PRDM11: variants seen among roughly 807,000 people sequenced by gnomAD.
PRDM11 encodes the protein PR/SET domain 11.
In PRDM11, 20 loss-of-function variants were observed where a neutral mutation model predicts 97.8. The observed-to-expected ratio is 0.20, with a 90% CI of 0.14 to 0.30. PRDM11 has a LOEUF of 0.30. Among genes scored for constraint, PRDM11 ranks in the 10% least tolerant of loss-of-function variants. The probability of loss-of-function intolerance (pLI) is 1.00; values close to 1 mark genes in which losing one functional copy is unlikely to be tolerated. For synonymous variants in PRDM11, 599 were observed against 637.7 expected (o/e 0.94, Z 0.91); for missense variants, 1,139 against 1,555.2 (o/e 0.73, Z 4.50).
chr11:45,212,349 G>GAAA (rs1853774905), intron 5 of PRDM11: 1 of 338,422 alleles, frequency 3.0e-6, no homozygotes, highest in Non-Finnish European at 5.9e-6. Flanking sequence ...GGCCAAACTA[G>GAAA]ACCGCAGGGT....
chr11:45,203,369 A>C (rs1228455690), intron 4 of PRDM11, among the ~76,000 whole-genome samples: 1 of 152,006 alleles, frequency 6.6e-6, no homozygotes, highest in African/African-American at 2.4e-5. Context: ...GTGGACCTGA[A>C]AAAAAAACTA....
chr11:45,176,923 C>T (rs1300216713), intron 1 of PRDM11, among the ~76,000 whole-genome samples: 1 of 152,160 alleles, frequency 6.6e-6, no homozygotes, highest in African/African-American at 2.4e-5. Flanking sequence ...TCAGGGTCAC[C>T]TAAAAAACTG....
chr11:45,221,353 A>G lies in PRDM11; in HGVS notation c.742+1596A>G, dbSNP rs540385668. ...GATGCCTCATGTAAAAGTGCCTGAT[A>G]CATAGTAGGGACTCAATAAGTCTTT... On this transcript the variant is annotated intron_variant, in intron 6 of 7. Transcript: ENST00000683152. 2.0e-5 allele frequency among the ~76,000 whole-genome samples: 3 copies of G among 152,320 alleles called. No homozygotes were observed. In the East Asian group the frequency reaches 5.8e-4, roughly 29 times the overall value.
At chr11:45,163,541 G>A (rs1407040338) in intron 1 of PRDM11, among the ~76,000 whole-genome samples, 1 of 152,062 alleles carries the variant, frequency 6.6e-6, no homozygotes, top group Non-Finnish European at 1.5e-5. Context: ...AGCTGCTCCT[G>A]ATCGTAGGGA....
In PRDM11 at chr11:45,229,834, T is replaced by C. The variant is rs1161811425; in HGVS notation, c.*1675T>C. ...GCTTCATCTCTTGGTTGGCAGAGGG[T>C]GGTGTTATCTGGCCACAGGCAAGGC... On this transcript the variant is annotated 3_prime_UTR_variant, in exon 8 of 8. Coordinates refer to ENST00000683152, the MANE Select transcript of PRDM11 (RefSeq NM_001384648.1). 1 of 152,110 alleles carries C rather than the reference T, an allele frequency of 6.6e-6. No homozygotes were observed. Among genetic ancestry groups the C allele is most frequent in the African/African-American group, 2.4e-5 (1 of 41,410 alleles). 9.4% of individuals were successfully genotyped at this position (152,110 alleles called of 1,614,324 possible). A position where few individuals can be genotyped will look rare whatever the true frequency, so the allele number is the denominator to read the frequency against.
At chr11:45,173,617 C>T (rs562697818) in intron 1 of PRDM11, among the ~76,000 whole-genome samples, 10 of 146,486 alleles carry the variant, frequency 6.8e-5, no homozygotes, top group South Asian at 6.5e-4. Flanking sequence ...AGAGAAACAC[C>T]GCGTCAAAAA....
chr11:45,139,728 A>AATGT (rs1049000215), intron 1 of PRDM11, among the ~76,000 whole-genome samples: 64 of 152,182 alleles, frequency 4.2e-4, no homozygotes, highest in African/African-American at 1.5e-3. Flanking sequence ...TATGATAAAA[A>AATGT]ATGTGATCTA....
intron 4 of PRDM11, among the ~76,000 whole-genome samples, chr11:45,201,274 T>A (rs1269890869): frequency 6.6e-6 from 1 of 152,160 alleles, no homozygotes; most frequent in Non-Finnish European, 1.5e-5. Flanking sequence ...GAATTGTAAG[T>A]TTATATCATT....
chr11:45,110,418 A>G (rs1852149078), intron 1 of PRDM11, among the ~76,000 whole-genome samples: 1 of 152,132 alleles, frequency 6.6e-6, no homozygotes, highest in Non-Finnish European at 1.5e-5. Flanking sequence ...TAGCATTACA[A>G]TTTTTCTAAA....
chr11:45,112,491 T>G (rs146331843), intron 1 of PRDM11, among the ~76,000 whole-genome samples: 10 of 152,358 alleles, frequency 6.6e-5, no homozygotes, highest in Admixed American at 6.5e-4. Context: ...AGTTCTACAT[T>G]TAGCTCTTTA....
At chr11:45,204,535 C>G (rs373540810) in intron 4 of PRDM11, among the ~76,000 whole-genome samples, 176 bp from the exon 5 acceptor site, 2 of 151,986 alleles carry the variant, frequency 1.3e-5, no homozygotes, top group African/African-American at 2.4e-5. Context: ...GGGTGGAGGG[C>G]AGGTAGCAGA....
intron 1 of PRDM11, among the ~76,000 whole-genome samples, chr11:45,107,734 A>T (rs748038308): frequency 1.1e-4 from 17 of 152,024 alleles, no homozygotes; most frequent in South Asian, 2.1e-4. Flanking sequence ...GAACTGATAG[A>T]TTTGCGTGGC....
chr11:45,204,798 T>C lies in PRDM11; in HGVS notation c.554+20T>C, dbSNP rs1465838211. The C allele has an allele frequency of 6.3e-7, 1 of 1,596,876 alleles. No individual in the cohort carries two copies. Among genetic ancestry groups the C allele is most frequent in the Admixed American group, 1.7e-5 (1 of 60,002 alleles). ...GATGAGGTGAGCCCTGCTCTGCTGA[T>C]GTCCCGGGGGTCTTGCCTGGCCTCT... On this transcript the variant is annotated intron_variant, in intron 5 of 7. Coordinates refer to ENST00000683152, the MANE Select transcript of PRDM11 (RefSeq NM_001384648.1).
At position 45,226,467 on chromosome 11, in the gene PRDM11, G is replaced by A. The variant is rs1306447861; in HGVS notation, c.1842G>A (p.Glu614=). Residue 614 remains glutamate (E), a synonymous_variant, in exon 8 of 8, where the codon GAG becomes GAA. Transcript: ENST00000683152. ...ACCTGGACTTCCGGCCCCTGGCGGA[G>A]CTGCTGAGGAAGTGTGAGCTCAAGG... ...RPYLDFRPLA[E]LLRKCELKVV... 6.5e-7 allele frequency: 1 copy of A among 1,533,868 alleles called. No homozygotes were observed. The highest frequency in any genetic ancestry group is 8.7e-7 in the Non-Finnish European group (1 of 1,146,732).
At chr11:45,100,811 T>C (rs1371720344) in intron 1 of PRDM11, among the ~76,000 whole-genome samples, 1 of 152,240 alleles carries the variant, frequency 6.6e-6, no homozygotes, top group African/African-American at 2.4e-5. Context: ...ATATTTTGCA[T>C]ATTTTCTCTC....
intron 1 of PRDM11, among the ~76,000 whole-genome samples, chr11:45,140,517 G>A (rs1013167027): frequency 5.9e-5 from 9 of 152,032 alleles, no homozygotes; most frequent in African/African-American, 2.2e-4. Context: ...CATCTACCTG[G>A]GCATAAATTA....
At chr11:45,165,098 T>C (rs1167687685) in intron 1 of PRDM11, among the ~76,000 whole-genome samples, 1 of 152,090 alleles carries the variant, frequency 6.6e-6, no homozygotes, top group African/African-American at 2.4e-5. Flanking sequence ...CCAGATCGCA[T>C]AGTTAGTAAG....
intron 7 of PRDM11, chr11:45,225,204 C>T (rs1590478945): frequency 9.1e-7 from 1 of 1,100,438 alleles, no homozygotes; most frequent in African/African-American, 1.6e-5. Flanking sequence ...GCAGGGTGTC[C>T]CACTGGAGAG....
chr11:45,227,952 G>A lies in PRDM11; in HGVS notation c.3327G>A (p.Glu1109=). The part of the protein sequence containing the change: ...RKNHRSRLTL[E]QLSDLLTIAV... ...ACCACCGCTCCCGCCTGACCCTGGA[G>A]CAGCTTAGCGACCTGTTGACAATCG... The change falls in exon 8 of 8, where the codon GAG becomes GAA. Residue 1109 remains glutamate (E), a synonymous_variant. Transcript: ENST00000683152. This position sits in a 1 kb window ranked among gnomAD's most constrained non-coding sequence, Gnocchi z 8.0. 3 of 1,533,930 alleles carry A rather than the reference G, an allele frequency of 2.0e-6. No individual in the cohort carries two copies. Among genetic ancestry groups the A allele is most frequent in the Non-Finnish European group, 1.7e-6 (2 of 1,146,732 alleles).
Sources: allele counts gnomAD v4.1 joint callset (sites outside exome capture counted in the v4.1 genomes callset), GRCh38; gene constraint gnomAD v4.1.1; non-coding constraint Gnocchi (gnomAD v3.1); transcripts MANE v1.5; gene names NCBI Gene and HGNC (gene_info 2026-07-23, HGNC 2026-07-21).